NRG3: variants seen among roughly 807,000 people sequenced by gnomAD.
NRG3 encodes the protein pro-neuregulin-3, membrane-bound isoform.
NRG3 carries 31 observed loss-of-function variants against 66.9 expected under a neutral mutation model. The ratio of observed to expected loss-of-function variants is 0.46; its 90% CI spans 0.35 to 0.63. The LOEUF is 0.63. Among genes scored for constraint, NRG3 ranks in the 20% least tolerant of loss-of-function variants. NRG3 has a pLI of 0.00. For missense variants in NRG3, 910 were observed against 878.9 expected, an observed-to-expected ratio of 1.04 and a Z score of -0.45; for synonymous variants, 393 against 359.4, an observed-to-expected ratio of 1.09 and a Z score of -1.06.
chr10:82,409,445 C>T (rs527390626), intron 2 of NRG3, among the ~76,000 whole-genome samples: 9 of 151,944 alleles, frequency 5.9e-5, no homozygotes, highest in Non-Finnish European at 1.3e-4. Flanking sequence ...GGGAGGGAAC[C>T]CATGCCCGGA....
In NRG3 at chr10:82,783,769, A is replaced by G. The variant is rs563570015; in HGVS notation, c.1027+45119A>G. Among the ~76,000 whole-genome samples the G allele has an allele frequency of 3.5e-3, 535 of 152,276 alleles. 2 individuals carry two copies. The highest frequency in any genetic ancestry group is 0.012 in the African/African-American group (511 of 41,548). ...GGTAGGAAGAATCAATATCGTGAAA[A>G]TGGCCATACTGCCCAAGGTAATTTA... On this transcript the variant is annotated intron_variant, in intron 3 of 8. Coordinates refer to ENST00000372141, the MANE Select transcript of NRG3 (RefSeq NM_001010848.4).
At chr10:81,879,467 T>C (rs1218006533) in intron 1 of NRG3, among the ~76,000 whole-genome samples, 3 of 152,220 alleles carry the variant, frequency 2.0e-5, no homozygotes, top group South Asian at 2.1e-4. Flanking sequence ...TTTAGAGACA[T>C]AGAATTCTTT....
chr10:82,322,358 A>C (rs2081622083), intron 1 of NRG3, among the ~76,000 whole-genome samples: 1 of 152,138 alleles, frequency 6.6e-6, no homozygotes, highest in Non-Finnish European at 1.5e-5. Context: ...TGACTCCAGG[A>C]TGGTGAAGAA....
At chr10:82,366,761 AAT>A (rs1278409800) in intron 2 of NRG3, among the ~76,000 whole-genome samples, 4 of 152,134 alleles carry the variant, frequency 2.6e-5, no homozygotes, top group African/African-American at 7.2e-5. Context: ...ACTTGTGGAA[AAT>A]ATATGATTCA....
chr10:82,219,312 TG>T (rs1314745485), intron 1 of NRG3, among the ~76,000 whole-genome samples: 2 of 148,036 alleles, frequency 1.4e-5, no homozygotes, highest in East Asian at 3.9e-4. Context: ...AAAAATTTTT[TG>T]GCAATAAAAA....
At chr10:82,485,001 T>G (rs751378417) in intron 2 of NRG3, among the ~76,000 whole-genome samples, 9 of 152,214 alleles carry the variant, frequency 5.9e-5, no homozygotes, top group Non-Finnish European at 2.9e-5. Flanking sequence ...TCAGTTTGCA[T>G]ACCTATAAAG....
intron 2 of NRG3, among the ~76,000 whole-genome samples, chr10:82,712,444 C>T (rs529398737): frequency 1.1e-4 from 16 of 152,282 alleles, no homozygotes; most frequent in South Asian, 4.2e-4. Flanking sequence ...CTCAAACCTT[C>T]GGGTGCATCA....
intron 2 of NRG3, among the ~76,000 whole-genome samples, chr10:82,413,067 T>C (rs895041252): frequency 3.9e-5 from 6 of 152,170 alleles, no homozygotes; most frequent in Non-Finnish European, 8.8e-5. Flanking sequence ...TTATTGTTGA[T>C]ATTTTGACTA....
intron 5 of NRG3, among the ~76,000 whole-genome samples, chr10:82,957,153 A>C (rs1850126243): frequency 6.6e-6 from 1 of 151,906 alleles, no homozygotes. Context: ...TGGTATCGGG[A>C]AAGATATGAA....
Position 82,362,548 on chromosome 10 carries a change from G to GTTTTTTTTT in NRG3, c.953+3693_953+3701dup, listed in dbSNP as rs10694679. 3.1e-3 allele frequency among the ~76,000 whole-genome samples: 261 copies of GTTTTTTTTT among 83,174 alleles called. 21 individuals carry two copies. The highest frequency in any genetic ancestry group is 0.011 in the African/African-American group (212 of 20,162). The allele number at this position is 83,174 out of a possible 152,430, so 54.6% of individuals were successfully genotyped here. A position where few individuals can be genotyped will look rare whatever the true frequency, so the allele number is the denominator to read the frequency against. On this transcript the variant is annotated intron_variant, in intron 2 of 8. Coordinates refer to ENST00000372141, the MANE Select transcript of NRG3 (RefSeq NM_001010848.4). ...ACCACCATGCCCAGATAATTTCTGG[G>GTTTTTTTTT]TTTTTTTTTTTTTTTTTTTTTCGTA...
chr10:82,647,319 A>G (rs1450549883), intron 2 of NRG3, among the ~76,000 whole-genome samples: 1 of 152,112 alleles, frequency 6.6e-6, no homozygotes. Flanking sequence ...CCTTGTCCCT[A>G]CAAAGGACAT....
intron 4 of NRG3, among the ~76,000 whole-genome samples, chr10:82,899,552 A>T (rs1844006944): frequency 6.6e-6 from 1 of 152,186 alleles, no homozygotes; most frequent in Admixed American, 6.5e-5. Flanking sequence ...TGCATTTCTT[A>T]GAATCAGTAG....
intron 2 of NRG3, among the ~76,000 whole-genome samples, chr10:82,370,111 G>A (rs1376667391): frequency 1.4e-5 from 2 of 139,150 alleles, no homozygotes; most frequent in African/African-American, 6.6e-5. Flanking sequence ...AATCAGCTCA[G>A]TGGACCCTCT....
chr10:82,235,657 A>G (rs2076718214), intron 1 of NRG3, among the ~76,000 whole-genome samples: 1 of 152,174 alleles, frequency 6.6e-6, no homozygotes, highest in South Asian at 2.1e-4. Flanking sequence ...CGTAGCACAC[A>G]GCATTTTGAC....
At chr10:82,971,921 T>G (rs1195762100) in intron 6 of NRG3, among the ~76,000 whole-genome samples, 1 of 152,182 alleles carries the variant, frequency 6.6e-6, no homozygotes, top group African/African-American at 2.4e-5. Context: ...CACCTGTACA[T>G]TGCAGGGTAT....
At chr10:82,789,021 AATAT>A (rs1555040438) in intron 3 of NRG3, among the ~76,000 whole-genome samples, 1 of 151,964 alleles carries the variant, frequency 6.6e-6, no homozygotes. Context: ...ATTTATTTTG[AATAT>A]ATATACTCAA....
intron 1 of NRG3, among the ~76,000 whole-genome samples, chr10:82,038,848 C>T: frequency 6.6e-6 from 1 of 152,060 alleles, no homozygotes; most frequent in East Asian, 1.9e-4. Context: ...TCCTCTTTTC[C>T]ATGTTTGACT....
intron 6 of NRG3, among the ~76,000 whole-genome samples, chr10:82,960,414 T>C (rs540942334): frequency 7.7e-4 from 117 of 151,604 alleles, no homozygotes; most frequent in African/African-American, 2.7e-3. Flanking sequence ...ATCAGTAACA[T>C]GTTAGTGGAA....
At position 82,184,658 on chromosome 10, in the gene NRG3, G is replaced by A. The variant is rs921836628; in HGVS notation, c.824-174081G>A. ...ACTTTCTGGAGACAATTAATTCCTC[G>A]GGGATATAATAAATATTCTTGCCCA... On this transcript the variant is annotated intron_variant, in intron 1 of 8. Coordinates refer to ENST00000372141, the MANE Select transcript of NRG3 (RefSeq NM_001010848.4). Among the ~76,000 whole-genome samples the A allele has an allele frequency of 2.6e-5, 4 of 152,098 alleles. No homozygotes were observed. In the East Asian group the frequency reaches 7.7e-4, roughly 29 times the overall value.
Sources: gnomAD v4.1 joint callset for allele counts (sites outside exome capture counted in the v4.1 genomes callset) on GRCh38, gnomAD v4.1.1 for gene constraint, MANE v1.5 for transcripts, NCBI Gene and HGNC (gene_info 2026-07-23, HGNC 2026-07-21) for gene names.